ERBB4: variants seen among roughly 807,000 people sequenced by gnomAD.
The protein encoded by ERBB4 is receptor tyrosine-protein kinase erbB-4.
Under a neutral mutation model 158.0 loss-of-function variants are expected in ERBB4, and 42 were observed. The ratio of observed to expected loss-of-function variants is 0.27; its 90% CI spans 0.21 to 0.34. ERBB4 has a LOEUF of 0.34. Among genes scored for constraint, ERBB4 ranks in the 10% least tolerant of loss-of-function variants. ERBB4 has a pLI of 1.00. For synonymous variants in ERBB4, 583 were observed against 558.7 expected (o/e 1.04, Z -0.61); for missense variants, 1,333 against 1,624.1 (o/e 0.82, Z 3.08).
At chr2:212,175,181 G>A (rs1403083071) in intron 1 of ERBB4, among the ~76,000 whole-genome samples, 2 of 151,972 alleles carry the variant, frequency 1.3e-5, no homozygotes, top group Non-Finnish European at 2.9e-5. Context: ...CCAGAAACAA[G>A]GTCCTTTCAC....
intron 12 of ERBB4, among the ~76,000 whole-genome samples, chr2:211,697,050 C>T (rs1231450979): frequency 2.0e-5 from 3 of 152,130 alleles, no homozygotes; most frequent in African/African-American, 4.8e-5. Context: ...GGGTTCAAAT[C>T]CTTAATCGGA....
chr2:212,145,197 T>C (rs77415604), intron 1 of ERBB4, among the ~76,000 whole-genome samples: 13,990 of 152,132 alleles, frequency 0.092, 1,222 homozygotes, highest in African/African-American at 0.23. Context: ...GAAAATCAAA[T>C]ACTAGAGAAA....
intron 2 of ERBB4, among the ~76,000 whole-genome samples, chr2:211,954,174 A>C (rs2080963963): frequency 6.6e-6 from 1 of 152,052 alleles, no homozygotes; most frequent in Non-Finnish European, 1.5e-5. Context: ...TTGATCCTTA[A>C]TAGAAATGAA....
chr2:212,291,397 A>T (rs1460375303), intron 1 of ERBB4, among the ~76,000 whole-genome samples: 2 of 152,128 alleles, frequency 1.3e-5, no homozygotes, highest in African/African-American at 2.4e-5. Context: ...CATGTATTTT[A>T]AAAAGTCTTT....
chr2:211,637,313 C>A (rs1417631941), intron 16 of ERBB4, among the ~76,000 whole-genome samples: 1 of 151,826 alleles, frequency 6.6e-6, no homozygotes, highest in African/African-American at 2.4e-5. Flanking sequence ...TCACAATTAC[C>A]AACTGAGGCA....
intron 1 of ERBB4, among the ~76,000 whole-genome samples, chr2:212,133,429 T>G (rs555269509): frequency 1.3e-4 from 20 of 150,776 alleles, no homozygotes; most frequent in East Asian, 3.9e-4. Context: ...TTTTGTTTTT[T>G]TTTTTGCTAT....
intron 1 of ERBB4, among the ~76,000 whole-genome samples, chr2:212,269,068 A>G (rs999722022): frequency 7.3e-5 from 11 of 151,512 alleles, no homozygotes; most frequent in African/African-American, 2.7e-4. Flanking sequence ...TATAATGCAC[A>G]TGATGTGCAA....
At chr2:211,424,055 T>C in intron 23 of ERBB4, 100 bp downstream of exon 23, 1 of 1,188,544 alleles carries the variant, frequency 8.4e-7, no homozygotes, top group South Asian at 1.2e-5. Context: ...TTTTGAACTG[T>C]CGTATTTTTC....
intron 2 of ERBB4, among the ~76,000 whole-genome samples, chr2:211,956,024 T>G (rs905368515): frequency 1.5e-5 from 2 of 136,640 alleles, no homozygotes; most frequent in Admixed American, 1.5e-4. Flanking sequence ...TTCTATCATC[T>G]CTAAAGTGTG....
At position 212,380,499 on chromosome 2, in the gene ERBB4, T is replaced by C. The variant is rs567262946; in HGVS notation, c.82+157950A>G. On this transcript the variant is annotated intron_variant, in intron 1 of 27. Transcript: ENST00000342788. ...GTGTGTGTGTGTGTGTATGATGTTATGCTAAGTGATAAAAACAGATTTACA... is the reference window on the plus strand; with the variant it reads ...GTGTGTGTGTGTGTGTATGATGTTACGCTAAGTGATAAAAACAGATTTACA... Among the ~76,000 whole-genome samples, 10 of 150,240 alleles carry C rather than the reference T, an allele frequency of 6.7e-5. No individual in the cohort carries two copies. The South Asian group carries it at 2.1e-3, about 31-fold the overall frequency.
At chr2:212,162,513 A>G (rs898263201) in intron 1 of ERBB4, among the ~76,000 whole-genome samples, 1 of 152,042 alleles carries the variant, frequency 6.6e-6, no homozygotes, top group East Asian at 1.9e-4. Context: ...TGTATTTGAT[A>G]AAACATAGTG....
At chr2:211,505,348 T>C (rs1328626061) in intron 20 of ERBB4, among the ~76,000 whole-genome samples, 1 of 151,954 alleles carries the variant, frequency 6.6e-6, no homozygotes, top group Admixed American at 6.5e-5. Flanking sequence ...AAGAATCTCA[T>C]ATCCTGCTAA....
At chr2:211,861,886 A>AT (rs77882676) in intron 3 of ERBB4, among the ~76,000 whole-genome samples, 37,750 of 152,062 alleles carry the variant, frequency 0.25, 5,621 homozygotes, top group East Asian at 0.42. Flanking sequence ...TGAAATGCTA[A>AT]TTTTTTCACT....
chr2:211,976,954 A>G (rs2081625789), intron 2 of ERBB4, among the ~76,000 whole-genome samples: 1 of 152,208 alleles, frequency 6.6e-6, no homozygotes, highest in Non-Finnish European at 1.5e-5. Context: ...ACTGTAAAAT[A>G]AAGATGTTAA....
intron 20 of ERBB4, among the ~76,000 whole-genome samples, chr2:211,435,092 T>TGTC (rs2063821313): frequency 6.6e-6 from 1 of 152,168 alleles, no homozygotes; most frequent in Non-Finnish European, 1.5e-5. Flanking sequence ...CAAATTAGAG[T>TGTC]GTCATGCAAC....
chr2:211,609,745 G>A (rs971154014), intron 19 of ERBB4, among the ~76,000 whole-genome samples: 4 of 152,076 alleles, frequency 2.6e-5, no homozygotes, highest in African/African-American at 9.7e-5. Context: ...CTATTAATTT[G>A]CATCATGTCA....
rs115593873 is a variant in ERBB4, at chr2:212,096,795, T to G, written c.234+27957A>C. On this transcript the variant is annotated intron_variant, in intron 2 of 27. Coordinates refer to ENST00000342788, the MANE Select transcript of ERBB4 (RefSeq NM_005235.3). Reference sequence around the variant, plus strand: ...TGTGGGATGAAGAAGCCTAGGTAAATTGGGTGCCAGACAATGGGTATTTGT... The same window carrying G: ...TGTGGGATGAAGAAGCCTAGGTAAAGTGGGTGCCAGACAATGGGTATTTGT... Among the ~76,000 whole-genome samples the G allele has an allele frequency of 5.3e-3, 809 of 152,208 alleles. 6 individuals carry two copies. Among genetic ancestry groups the G allele is most frequent in the African/African-American group, 0.019 (769 of 41,534 alleles).
Position 211,833,141 on chromosome 2 carries a change from A to C in ERBB4, c.422-44982T>G, listed in dbSNP as rs778710984. 2.1e-3 allele frequency among the ~76,000 whole-genome samples: 327 copies of C among 152,210 alleles called. 3 individuals carry two copies. Among genetic ancestry groups the C allele is most frequent in the Non-Finnish European group, 2.8e-3 (193 of 67,992 alleles). On this transcript the variant is annotated intron_variant, in intron 3 of 27. Transcript: ENST00000342788. ...CAGCATATTCTAGAATCCTTTCCCC[A>C]TCCCCTTGTAATCACAATCTATCAG...
At chr2:212,482,470 T>A (rs1312462913) in intron 1 of ERBB4, among the ~76,000 whole-genome samples, 1 of 152,232 alleles carries the variant, frequency 6.6e-6, no homozygotes, top group Non-Finnish European at 1.5e-5. Flanking sequence ...CATCCTGAGA[T>A]GAATTTTATT....
Sources: gnomAD v4.1 joint callset for allele counts (sites outside exome capture counted in the v4.1 genomes callset) on GRCh38, gnomAD v4.1.1 for gene constraint, MANE v1.5 for transcripts, NCBI Gene and HGNC (gene_info 2026-07-23, HGNC 2026-07-21) for gene names.